The following LDLRAD4 variants were observed in gnomAD, a reference collection of about 807,000 sequenced individuals.
LDLRAD4 encodes the protein low density lipoprotein receptor class A domain containing 4, also known as low-density lipoprotein receptor class A domain-containing protein 4.
In LDLRAD4, 5 loss-of-function variants were observed where a neutral mutation model predicts 17.0. The observed-to-expected ratio is 0.29, with a 90% CI of 0.15 to 0.62. The LOEUF is 0.62. LDLRAD4 is among the 20% of genes least tolerant of loss of function. LDLRAD4 has a pLI of 0.84. For missense variants in LDLRAD4, 340 were observed against 424.7 expected (o/e 0.80, Z 1.75); for synonymous variants, 168 against 171.8 (o/e 0.98, Z 0.17).
intron 3 of LDLRAD4, among the ~76,000 whole-genome samples, chr18:13,619,402 C>A (rs1220790251): frequency 1.3e-5 from 2 of 151,728 alleles, no homozygotes; most frequent in Non-Finnish European, 2.9e-5. Flanking sequence ...GGGCCCAAGC[C>A]CCTGCTCGAA....
chr18:13,390,409 A>AT, intron 2 of LDLRAD4, among the ~76,000 whole-genome samples: 1 of 152,138 alleles, frequency 6.6e-6, no homozygotes, highest in East Asian at 1.9e-4. Flanking sequence ...GCCTCTCCAG[A>AT]TTGTCCCACG....
intron 3 of LDLRAD4, among the ~76,000 whole-genome samples, chr18:13,604,060 G>T (rs78722902): frequency 0.013 from 1,985 of 152,292 alleles, 43 homozygotes; most frequent in African/African-American, 0.045. Context: ...AGATGAAAAC[G>T]GAGTATAGTT....
chr18:13,457,881 C>T (rs956579106), intron 3 of LDLRAD4, among the ~76,000 whole-genome samples: 1 of 152,208 alleles, frequency 6.6e-6, no homozygotes, highest in Non-Finnish European at 1.5e-5. Flanking sequence ...GGACCATGCT[C>T]AGGGAGTTTC....
chr18:13,320,038 G>A (rs957390200), intron 1 of LDLRAD4, among the ~76,000 whole-genome samples: 1 of 152,224 alleles, frequency 6.6e-6, no homozygotes, highest in Non-Finnish European at 1.5e-5. Flanking sequence ...TATGTTTTGA[G>A]TTGAAAACAG....
intron 1 of LDLRAD4, among the ~76,000 whole-genome samples, chr18:13,386,787 C>T (rs1381779744): frequency 1.3e-5 from 2 of 152,152 alleles, no homozygotes; most frequent in African/African-American, 4.8e-5. Flanking sequence ...CATGGTGGCA[C>T]ATGCCTATAA....
At chr18:13,487,616 A>G (rs2093259858) in intron 3 of LDLRAD4, 1 of 152,264 alleles carries the variant, frequency 6.6e-6, no homozygotes, top group African/African-American at 2.4e-5. Context: ...CATTCATCCA[A>G]TAAGTATGAC....
intron 3 of LDLRAD4, among the ~76,000 whole-genome samples, chr18:13,464,019 T>G (rs35000054): frequency 6.6e-6 from 1 of 152,248 alleles, no homozygotes; most frequent in Admixed American, 6.5e-5. Context: ...TTTTCTCGCT[T>G]TCAGCCCCAT....
At chr18:13,553,062 T>C (rs1322147168) in intron 3 of LDLRAD4, among the ~76,000 whole-genome samples, 1 of 152,264 alleles carries the variant, frequency 6.6e-6, no homozygotes, top group East Asian at 1.9e-4. Context: ...TGTTATTTTA[T>C]ATTTTTAGTA....
At chr18:13,616,663 C>A (rs2040111583) in intron 3 of LDLRAD4, among the ~76,000 whole-genome samples, 1 of 152,194 alleles carries the variant, frequency 6.6e-6, no homozygotes, top group African/African-American at 2.4e-5. Context: ...AGTGAGATGA[C>A]CAGGCTGTGA....
chr18:13,262,529 GAAA>G (rs2145974705), intron 1 of LDLRAD4, among the ~76,000 whole-genome samples: 1 of 133,896 alleles, frequency 7.5e-6, no homozygotes, highest in Admixed American at 7.1e-5. Flanking sequence ...CCTGTGCGTG[GAAA>G]CTGAGTCCCG....
chr18:13,533,566 A>G (rs190727772), intron 3 of LDLRAD4, among the ~76,000 whole-genome samples: 2 of 152,336 alleles, frequency 1.3e-5, no homozygotes, highest in East Asian at 3.9e-4. Context: ...TGATTTAAAT[A>G]TAAATTGTAC....
At chr18:13,526,860 C>T (rs1232034665) in intron 3 of LDLRAD4, among the ~76,000 whole-genome samples, 1 of 152,188 alleles carries the variant, frequency 6.6e-6, no homozygotes, top group Non-Finnish European at 1.5e-5. Context: ...AAAGTCCTCC[C>T]CTCCTCTCCT....
chr18:13,363,669 T>C lies in LDLRAD4; in HGVS notation c.-382-23672T>C, dbSNP rs764145712. Among the ~76,000 whole-genome samples the C allele has an allele frequency of 9.2e-5, 14 of 152,234 alleles. 1 individual carries two copies. The highest frequency in any genetic ancestry group is 1.8e-4 in the Non-Finnish European group (12 of 68,044). ...CTGTTTTGACAGCTGACAATGATGATGCTAGTTCTCATTTCCATGATAAAA... is the reference window on the plus strand; with the variant it reads ...CTGTTTTGACAGCTGACAATGATGACGCTAGTTCTCATTTCCATGATAAAA... On this transcript the variant is annotated intron_variant, in intron 1 of 5. Coordinates refer to ENST00000359446, the Ensembl canonical transcript of LDLRAD4.
intron 3 of LDLRAD4, among the ~76,000 whole-genome samples, chr18:13,531,485 G>A (rs1360194862): frequency 1.3e-5 from 2 of 150,504 alleles, no homozygotes. Context: ...AGCTACTCAG[G>A]AGGCCAAGGC....
chr18:13,225,555 T>G (rs901480366), intron 1 of LDLRAD4, among the ~76,000 whole-genome samples: 1 of 152,228 alleles, frequency 6.6e-6, no homozygotes, highest in Non-Finnish European at 1.5e-5. Context: ...TCAACAGCTC[T>G]CAGTAGCCAC....
chr18:13,475,541 T>G (rs2092918282), intron 3 of LDLRAD4, among the ~76,000 whole-genome samples: 1 of 151,120 alleles, frequency 6.6e-6, no homozygotes, highest in African/African-American at 2.4e-5. Context: ...CATGAGCCAC[T>G]GGGCCCTGCC....
At chr18:13,642,214 C>A in intron 4 of LDLRAD4, 1 of 985,942 alleles carries the variant, frequency 1.0e-6, no homozygotes, top group Non-Finnish European at 1.2e-6. Flanking sequence ...GTGTTTCTTC[C>A]GCGCCGTCCC....
Position 13,281,483 on chromosome 18 carries a change from T to TGG in LDLRAD4, c.-383+3299_-383+3300dup, listed in dbSNP as rs138941134. ...TGTCATGTGAATGACCATCTAATGC[T>TGG]GGGGGCTTCTAACTTGAGGAGGACT... is the stretch of plus-strand genomic sequence containing the variant. On this transcript the variant is annotated intron_variant, in intron 1 of 5. Transcript: ENST00000359446. 4.0e-3 allele frequency among the ~76,000 whole-genome samples: 609 copies of TGG among 152,306 alleles called. 2 individuals carry two copies. The highest frequency in any genetic ancestry group is 0.014 in the African/African-American group (579 of 41,562).
intron 3 of LDLRAD4, among the ~76,000 whole-genome samples, chr18:13,454,932 G>A (rs1256882417): frequency 2.6e-5 from 4 of 152,254 alleles, no homozygotes; most frequent in Non-Finnish European, 2.9e-5. Context: ...GATCACCTGC[G>A]GCGGGAGCAG....
Sources: allele counts gnomAD v4.1 joint callset (sites outside exome capture counted in the v4.1 genomes callset), GRCh38; gene constraint gnomAD v4.1.1; transcripts MANE v1.5; gene names NCBI Gene and HGNC (gene_info 2026-07-23, HGNC 2026-07-21).